GRIN2B: variants seen among roughly 807,000 people sequenced by gnomAD.
The protein encoded by GRIN2B is glutamate ionotropic receptor NMDA type subunit 2B.
GRIN2B carries 5 observed loss-of-function variants against 114.5 expected under a neutral mutation model. The ratio of observed to expected loss-of-function variants is 0.04; its 90% CI spans 0.02 to 0.09. The LOEUF (loss-of-function observed/expected upper bound fraction) is 0.09, where lower values mean the gene tolerates loss of function less well. Ranked by LOEUF, GRIN2B falls within the 10% of genes least tolerant of loss-of-function variation. GRIN2B has a pLI of 1.00. For synonymous variants in GRIN2B, 787 were observed against 745.1 expected (o/e 1.06, Z -0.92); for missense variants, 1,108 against 1,943.5 (o/e 0.57, Z 8.08).
chr12:13,643,704 C>A (rs1236592194), intron 5 of GRIN2B, among the ~76,000 whole-genome samples: 1 of 152,168 alleles, frequency 6.6e-6, no homozygotes, highest in African/African-American at 2.4e-5. Flanking sequence ...AACCCTACTA[C>A]TGCTTTATCA....
intron 4 of GRIN2B, among the ~76,000 whole-genome samples, chr12:13,727,784 AATGCAAACCATGTTCCTACTT>A (rs943824956): frequency 3.3e-5 from 5 of 152,172 alleles, no homozygotes; most frequent in Non-Finnish European, 5.9e-5. Context: ...AAAGCTAGGA[AATGCAAACCATGTTCCTACTT>A]ATGCAAACCA....
intron 2 of GRIN2B, among the ~76,000 whole-genome samples, chr12:13,964,655 C>T (rs1313738736): frequency 6.6e-6 from 1 of 152,104 alleles, no homozygotes; most frequent in Non-Finnish European, 1.5e-5. Context: ...GGCATTGGCA[C>T]AAAAGTAGAT....
At chr12:13,752,088 T>C (rs139649248) in intron 4 of GRIN2B, among the ~76,000 whole-genome samples, 1 of 152,324 alleles carries the variant, frequency 6.6e-6, no homozygotes, top group Non-Finnish European at 1.5e-5. Context: ...CAACCCTGAA[T>C]TGAAGCTGTA....
At chr12:13,891,622 GA>G (rs35573365) in intron 2 of GRIN2B, among the ~76,000 whole-genome samples, 108,078 of 151,212 alleles carry the variant, frequency 0.71, 38,963 homozygotes, top group East Asian at 0.96. Context: ...CCTTTCTAAT[GA>G]AAAAAAAAAT....
intron 11 of GRIN2B, 31 bp downstream of exon 11, chr12:13,571,773 C>A (rs1351161477): frequency 2.5e-6 from 4 of 1,610,594 alleles, no homozygotes; most frequent in Non-Finnish European, 3.4e-6. Context: ...AGAAACAGAT[C>A]AAGGACTCTG....
intron 2 of GRIN2B, among the ~76,000 whole-genome samples, chr12:13,869,006 G>T (rs1865866646): frequency 6.6e-6 from 1 of 152,172 alleles, no homozygotes; most frequent in Non-Finnish European, 1.5e-5. Flanking sequence ...AAGTCTTGAT[G>T]CACCTGCTCT....
chr12:13,640,402 G>T (rs1467322095), intron 5 of GRIN2B, among the ~76,000 whole-genome samples: 1 of 152,052 alleles, frequency 6.6e-6, no homozygotes, highest in East Asian at 1.9e-4. Context: ...CTTCCATACT[G>T]CCCCTTGCCC....
intron 3 of GRIN2B, among the ~76,000 whole-genome samples, chr12:13,799,689 CAGCAGGAGAGAGGGGGGGAAAGGAGG>C (rs2136673340): frequency 6.6e-6 from 1 of 151,788 alleles, no homozygotes; most frequent in African/African-American, 2.4e-5. Context: ...AATAACAAAT[CAGCAGGAGAGAGGGGGGGAAAGGAGG>C]AGCAGGGAAG....
At chr12:13,770,140 G>A (rs1473973798) in intron 3 of GRIN2B, among the ~76,000 whole-genome samples, 1 of 152,188 alleles carries the variant, frequency 6.6e-6, no homozygotes, top group Non-Finnish European at 1.5e-5. Context: ...AGATTCACCA[G>A]TATTCAGCTT....
At chr12:13,766,440 A>G (rs888834588) in intron 3 of GRIN2B, among the ~76,000 whole-genome samples, 1 of 152,158 alleles carries the variant, frequency 6.6e-6, no homozygotes, top group African/African-American at 2.4e-5. Flanking sequence ...GTGCATTTCA[A>G]TCCAAATGCC....
rs547508681 is a variant in GRIN2B at position 13,557,498 on chromosome 12, C to T, written c.*5285G>A. On this transcript the variant is annotated 3_prime_UTR_variant, in exon 14 of 14. Transcript: ENST00000609686. ...TCAATTTGATTTTTCTAGCTGCCTA[C>T]TCAGTAACATGTAATGGAGGAGAAG... The T allele has an allele frequency of 6.6e-6, 1 of 152,290 alleles. No individual in the cohort carries two copies. The highest frequency in any genetic ancestry group is 1.5e-5 in the Non-Finnish European group (1 of 68,020). 9.4% of individuals were successfully genotyped at this position (152,290 alleles called of 1,614,324 possible).
chr12:13,774,060 G>C (rs1452399079), intron 3 of GRIN2B, among the ~76,000 whole-genome samples: 1 of 152,186 alleles, frequency 6.6e-6, no homozygotes, highest in Non-Finnish European at 1.5e-5. Context: ...CTGACCCATG[G>C]CCTGAGTAAA....
intron 2 of GRIN2B, among the ~76,000 whole-genome samples, chr12:13,958,462 ATATACT>A (rs936740506): frequency 6.6e-6 from 1 of 152,228 alleles, no homozygotes; most frequent in Non-Finnish European, 1.5e-5. Context: ...TAGATTTAAA[ATATACT>A]TAAAAGTGTC....
intron 2 of GRIN2B, among the ~76,000 whole-genome samples, chr12:13,869,969 C>T (rs1369171207): frequency 6.6e-6 from 1 of 152,166 alleles, no homozygotes; most frequent in East Asian, 1.9e-4. Context: ...ATCTAAAATA[C>T]TCCACAGATC....
rs557949640 is a variant in GRIN2B at position 13,544,372 on chromosome 12, C to T, written c.*18411G>A. The T allele has an allele frequency of 2.1e-4, 32 of 152,380 alleles. No individual in the cohort carries two copies. The highest frequency in any genetic ancestry group is 4.1e-4 in the Non-Finnish European group (28 of 68,102). The allele number at this position is 152,380 out of a possible 1,614,324, so 9.4% of individuals were successfully genotyped here. A position where few individuals can be genotyped will look rare whatever the true frequency, so the allele number is the denominator to read the frequency against. On this transcript the variant is annotated 3_prime_UTR_variant, in exon 14 of 14. Coordinates refer to ENST00000609686, the MANE Select transcript of GRIN2B (RefSeq NM_000834.5). ...TCATCTCCTGGAGCTTTGAACAATC[C>T]TCCACCCTGGGCCTCAGTCTAGAGA...
At chr12:13,868,021 G>A (rs772714425) in intron 2 of GRIN2B, among the ~76,000 whole-genome samples, 2 of 152,132 alleles carry the variant, frequency 1.3e-5, no homozygotes, top group African/African-American at 4.8e-5. Context: ...ACTGCAAAGG[G>A]CATTAATGAT....
At chr12:13,584,081 G>A (rs992780469) in intron 10 of GRIN2B, among the ~76,000 whole-genome samples, 16 of 152,118 alleles carry the variant, frequency 1.1e-4, no homozygotes, top group African/African-American at 3.9e-4. Flanking sequence ...TCAGAAGAAC[G>A]AAGGAGAGGA....
chr12:13,574,629 T>G (rs1948751188), intron 10 of GRIN2B, among the ~76,000 whole-genome samples: 2 of 152,262 alleles, frequency 1.3e-5, no homozygotes, highest in South Asian at 4.1e-4. Context: ...CCTCACTTCC[T>G]GATGAAGCTA....
chr12:13,831,123 C>T (rs776257346), intron 3 of GRIN2B, among the ~76,000 whole-genome samples: 4 of 152,182 alleles, frequency 2.6e-5, no homozygotes, highest in Non-Finnish European at 4.4e-5. Flanking sequence ...ACCTCGTGGT[C>T]TCTGGACACA....
Sources: gnomAD v4.1 joint callset for allele counts (sites outside exome capture counted in the v4.1 genomes callset) on GRCh38, gnomAD v4.1.1 for gene constraint, MANE v1.5 for transcripts, NCBI Gene and HGNC (gene_info 2026-07-23, HGNC 2026-07-21) for gene names.